Variants in PCDHGA4 observed in about 807,000 individuals in gnomAD.
PCDHGA4 encodes the protein protocadherin gamma subfamily A, 4.
In PCDHGA4, 38 loss-of-function variants were observed where a neutral mutation model predicts 54.6. The observed-to-expected ratio is 0.70, with a 90% CI of 0.54 to 0.91. The LOEUF is 0.91. PCDHGA4 is among the 40% of genes least tolerant of loss of function. The probability of loss-of-function intolerance (pLI) is 0.00; values close to 1 mark genes in which losing one functional copy is unlikely to be tolerated. For synonymous variants in PCDHGA4, 511 were observed against 512.9 expected, an observed-to-expected ratio of 1.00 and a Z score of 0.05; for missense variants, 1,298 against 1,220.9, an observed-to-expected ratio of 1.06 and a Z score of -0.94.
rs569260568 is a variant in PCDHGA4, at chr5:141,408,294, A to G, written c.2514+50673A>G. The G allele has an allele frequency of 2.0e-5, 33 of 1,613,508 alleles. No homozygotes were observed. The East Asian group carries it at 7.1e-4, about 35-fold the overall frequency. ...CCTTTGTTCTACCCCACCCTGAGTG[A>G]GCCGATCCGCTACTCGATTCCGGAG... is the stretch of plus-strand genomic sequence containing the variant. On this transcript the variant is annotated intron_variant, in intron 1 of 3. Coordinates refer to ENST00000571252, the MANE Select transcript of PCDHGA4 (RefSeq NM_018917.4).
chr5:141,476,619 CTT>C lies in PCDHGA4; in HGVS notation c.2515-18186_2515-18185del. Reference sequence around the variant, plus strand: ...CACGATCCCGATGTGGGAAGCAACTCTTTACAAACCTATGAGCTGAGCCGAAA... The same window carrying C: ...CACGATCCCGATGTGGGAAGCAACTCTACAAACCTATGAGCTGAGCCGAAA... On this transcript the variant is annotated intron_variant, in intron 1 of 3. Transcript: ENST00000571252. This position sits in a 1 kb window ranked among gnomAD's most constrained non-coding sequence, Gnocchi z 7.6. The C allele has an allele frequency of 1.2e-6, 2 of 1,614,258 alleles. No homozygotes were observed. The highest frequency in any genetic ancestry group is 1.7e-6 in the Non-Finnish European group (2 of 1,180,052).
chr5:141,415,845 A>G, intron 1 of PCDHGA4: 1 of 1,246,436 alleles, frequency 8.0e-7, no homozygotes, highest in Non-Finnish European at 1.0e-6. Flanking sequence ...TTAGCTTTGC[A>G]GAACCTTGTA....
Position 141,360,974 on chromosome 5 carries a change from C to G in PCDHGA4, c.2514+3353C>G, listed in dbSNP as rs578154507. On this transcript the variant is annotated intron_variant, in intron 1 of 3. Transcript: ENST00000571252. The stretch of plus-strand genomic sequence containing the variant: ...GGCATAAACGCAGAGATCACCTACT[C>G]CTTTCATAATGTGGACGAACAAGTG... The G allele has an allele frequency of 2.5e-6, 4 of 1,613,822 alleles. No individual in the cohort carries two copies. The South Asian group carries it at 4.4e-5, about 18-fold the overall frequency.
intron 1 of PCDHGA4, chr5:141,404,984 C>T (rs779919758): frequency 6.2e-7 from 1 of 1,614,034 alleles, no homozygotes; most frequent in African/African-American, 1.3e-5. Context: ...CCTGGGCAGT[C>T]TTCAGATCCC....
intron 1 of PCDHGA4, chr5:141,362,058 C>G: frequency 6.2e-7 from 1 of 1,612,152 alleles, no homozygotes. Context: ...CCCGCCAGCG[C>G]CTGCTGGTCG....
chr5:141,426,797 C>A (rs1487716495), intron 1 of PCDHGA4: 1 of 456,706 alleles, frequency 2.2e-6, no homozygotes, highest in Non-Finnish European at 4.4e-6. Context: ...GTTACCAGCT[C>A]AGTTCTAATG....
chr5:141,474,986 A>G (rs1328341214), intron 1 of PCDHGA4, among the ~76,000 whole-genome samples: 1 of 152,238 alleles, frequency 6.6e-6, no homozygotes, highest in Non-Finnish European at 1.5e-5. Context: ...GTTTGGTGAC[A>G]ACAATTCTAA....
At chr5:141,495,605 T>G (rs1201224193) in intron 2 of PCDHGA4, among the ~76,000 whole-genome samples, 2 of 152,228 alleles carry the variant, frequency 1.3e-5, no homozygotes, top group African/African-American at 2.4e-5. Context: ...GCTTCCGTCT[T>G]GATTGCTGCA....
Position 141,355,480 on chromosome 5 carries a change from G to A in PCDHGA4, c.373G>A (p.Glu125Lys). The A allele has an allele frequency of 6.2e-7, 1 of 1,614,048 alleles. No individual in the cohort carries two copies. The highest frequency in any genetic ancestry group is 1.7e-5 in the Admixed American group (1 of 60,032). Residue 125 changes from glutamate to lysine, a missense_variant, in exon 1 of 4, where the codon GAG (glutamate) becomes AAG (lysine). Transcript: ENST00000571252. The stretch of plus-strand genomic sequence containing the variant: ...CACCGCGGGTAGGATAGACAGGGAG[G>A]AGCTCTGCGACAGATCTCCAAACTG... ...LVTAGRIDRE[E>K]LCDRSPNCVT... is the part of the protein sequence containing the mutation.
intron 1 of PCDHGA4, among the ~76,000 whole-genome samples, chr5:141,439,662 G>A (rs2098125902): frequency 6.6e-6 from 1 of 152,150 alleles, no homozygotes; most frequent in South Asian, 2.1e-4. Flanking sequence ...TAATTTCATG[G>A]AATGCAAATC....
Position 141,375,571 on chromosome 5 carries a change from C to T in PCDHGA4, c.2514+17950C>T, listed in dbSNP as rs760580799. On this transcript the variant is annotated intron_variant, in intron 1 of 3. Coordinates refer to ENST00000571252, the MANE Select transcript of PCDHGA4 (RefSeq NM_018917.4). Reference sequence around the variant, plus strand: ...CCTACTCACTGGCAGAAGACACCCTCCAGGGGGCGCCCCTGTCCTCCTACG... The same window carrying T: ...CCTACTCACTGGCAGAAGACACCCTTCAGGGGGCGCCCCTGTCCTCCTACG... 15 of 1,613,962 alleles carry T rather than the reference C, an allele frequency of 9.3e-6. No individual in the cohort carries two copies. In the Admixed American group the frequency reaches 2.3e-4, roughly 25 times the overall value.
chr5:141,371,918 C>A (rs1055994137), intron 1 of PCDHGA4: 4 of 1,613,254 alleles, frequency 2.5e-6, no homozygotes, highest in East Asian at 2.2e-5. Flanking sequence ...TGTCCGTGAG[C>A]GCGCGGAGCG....
intron 1 of PCDHGA4, chr5:141,360,901 C>A (rs375994239): frequency 1.9e-6 from 3 of 1,614,024 alleles, no homozygotes; most frequent in Non-Finnish European, 2.5e-6. Context: ...GGAGGACGTG[C>A]CGCCGGGCTT....
At chr5:141,366,229 G>T in intron 1 of PCDHGA4, 1 of 1,613,808 alleles carries the variant, frequency 6.2e-7, no homozygotes, top group South Asian at 1.1e-5. Context: ...GAGCCCTGCT[G>T]GACAGAGACG....
chr5:141,401,467 G>A (rs1248119954), intron 1 of PCDHGA4, among the ~76,000 whole-genome samples: 1 of 152,196 alleles, frequency 6.6e-6, no homozygotes, highest in Non-Finnish European at 1.5e-5. Context: ...AATTTTCTAA[G>A]TTTATCCAGG....
At chr5:141,502,288 G>C (rs2099813700) in intron 2 of PCDHGA4, among the ~76,000 whole-genome samples, 1 of 151,338 alleles carries the variant, frequency 6.6e-6, no homozygotes, top group African/African-American at 2.5e-5. Flanking sequence ...ATTGCATTTG[G>C]TTGTCACGTC....
chr5:141,394,211 G>A, intron 1 of PCDHGA4: 1 of 1,613,888 alleles, frequency 6.2e-7, no homozygotes, highest in Non-Finnish European at 8.5e-7. Flanking sequence ...AGAACAACCT[G>A]AGAGGAGCCT....
chr5:141,493,641 G>A lies in PCDHGA4; in HGVS notation c.2515-1166G>A, dbSNP rs547664603. Among the ~76,000 whole-genome samples, 2 of 152,240 alleles carry A rather than the reference G, an allele frequency of 1.3e-5. No individual in the cohort carries two copies. The highest frequency in any genetic ancestry group is 3.9e-4 in the East Asian group (2 of 5,172). On this transcript the variant is annotated intron_variant, in intron 1 of 3. Coordinates refer to ENST00000571252, the MANE Select transcript of PCDHGA4 (RefSeq NM_018917.4). The surrounding 1 kb of genome is among the most constrained non-coding windows in gnomAD (Gnocchi z 4.3). The stretch of plus-strand genomic sequence containing the variant: ...CTAAGAATACAGTGGCTGAGGGCTG[G>A]CCATCCCTGTGCCCTTCTCCATGGC...
chr5:141,503,214 T>C (rs994291483), intron 2 of PCDHGA4, among the ~76,000 whole-genome samples: 7 of 152,096 alleles, frequency 4.6e-5, no homozygotes, highest in African/African-American at 1.7e-4. Flanking sequence ...GTGCCCACCA[T>C]GAGCACCGTA....
Sources: gnomAD v4.1 joint callset for allele counts (sites outside exome capture counted in the v4.1 genomes callset) on GRCh38, gnomAD v4.1.1 for gene constraint, Gnocchi (gnomAD v3.1) non-coding constraint, MANE v1.5 for transcripts, NCBI Gene and HGNC (gene_info 2026-07-23, HGNC 2026-07-21) for gene names.